The following PLPPR1 variants were observed in gnomAD, a reference collection of about 807,000 sequenced individuals.
PLPPR1 encodes phospholipid phosphatase related 1.
In PLPPR1, 10 loss-of-function variants were observed where a neutral mutation model predicts 33.1. That is an observed-to-expected ratio of 0.30 (90% CI 0.19 to 0.51). PLPPR1 has a LOEUF of 0.51. Ranked by LOEUF, PLPPR1 falls within the 20% of genes least tolerant of loss-of-function variation. The pLI is 0.97. For synonymous variants in PLPPR1, 151 were observed against 151.0 expected, an observed-to-expected ratio of 1.00 and a Z score of 0.00; for missense variants, 304 against 408.1, an observed-to-expected ratio of 0.74 and a Z score of 2.20.
In PLPPR1 at chr9:101,317,425, G is replaced by C. The variant is rs1333911204; in HGVS notation, c.874G>C (p.Glu292Gln). Reference protein sequence around the residue: ...TQGSPSKPKPEDPRGVPLMAF... With the variant: ...TQGSPSKPKPQDPRGVPLMAF... ...AGGATCTCCTTCCAAACCCAAGCCT[G>C]AGGATCCCCGTGGAGTACCCCTAAT... The change falls in exon 7 of 8, where the codon GAG becomes CAG. Residue 292 changes from glutamate (E) to glutamine (Q), a missense_variant. Glu to Gln is a conservative substitution (Grantham distance 29). Coordinates refer to ENST00000374874, the MANE Select transcript of PLPPR1 (RefSeq NM_207299.2). 6.2e-7 allele frequency: 1 copy of C among 1,613,944 alleles called. No homozygotes were observed. The highest frequency in any genetic ancestry group is 1.3e-5 in the African/African-American group (1 of 74,898).
chr9:101,278,227 A>C (rs569056602), intron 3 of PLPPR1, among the ~76,000 whole-genome samples: 36 of 152,366 alleles, frequency 2.4e-4, no homozygotes, highest in African/African-American at 7.7e-4. Flanking sequence ...GACTGTTTAT[A>C]TTCTGAAATC....
chr9:101,097,953 G>C (rs972362128), intron 1 of PLPPR1, among the ~76,000 whole-genome samples: 1 of 152,158 alleles, frequency 6.6e-6, no homozygotes, highest in Non-Finnish European at 1.5e-5. Context: ...AGTAGAGAAT[G>C]AGACTAGAGT....
Position 101,162,425 on chromosome 9 carries a change from C to G in PLPPR1, c.-45-23025C>G, listed in dbSNP as rs547343848. ...GCTTTGGTTAGAAACAGTTTTGGCT[C>G]ATTCACAAAGCAGTGACAAAAGTGA... On this transcript the variant is annotated intron_variant, in intron 1 of 7. Transcript: ENST00000374874. Among the ~76,000 whole-genome samples, 17 of 152,298 alleles carry G rather than the reference C, an allele frequency of 1.1e-4. No homozygotes were observed. The South Asian group carries it at 2.5e-3, about 22-fold the overall frequency.
intron 3 of PLPPR1, 80 bp downstream of exon 3, chr9:101,270,148 T>G (rs1168306130): frequency 1.4e-6 from 2 of 1,452,078 alleles, no homozygotes; most frequent in African/African-American, 2.8e-5. Flanking sequence ...CTCTTTCTTC[T>G]CTTCCTGAGC....
At chr9:101,303,597 G>A (rs1828793002) in intron 4 of PLPPR1, among the ~76,000 whole-genome samples, 1 of 152,156 alleles carries the variant, frequency 6.6e-6, no homozygotes, top group Non-Finnish European at 1.5e-5. Context: ...ACTGTGCCTG[G>A]CCAACAATTT....
chr9:101,077,516 C>T (rs1025276833), intron 1 of PLPPR1, among the ~76,000 whole-genome samples: 2 of 152,128 alleles, frequency 1.3e-5, no homozygotes, highest in Non-Finnish European at 2.9e-5. Context: ...TTACCTGAAG[C>T]CTGTAACTGA....
At chr9:101,209,353 C>G (rs1182192987) in intron 2 of PLPPR1, among the ~76,000 whole-genome samples, 1 of 152,234 alleles carries the variant, frequency 6.6e-6, no homozygotes, top group African/African-American at 2.4e-5. Context: ...TTTTTCCCGT[C>G]TGGCAGATAT....
At chr9:101,123,990 C>T (rs906483345) in intron 1 of PLPPR1, among the ~76,000 whole-genome samples, 17 of 152,118 alleles carry the variant, frequency 1.1e-4, no homozygotes, top group African/African-American at 2.9e-4. Context: ...CAGCTTCTCC[C>T]GACACTCAGC....
At chr9:101,202,655 T>C (rs1826514967) in intron 2 of PLPPR1, among the ~76,000 whole-genome samples, 1 of 152,186 alleles carries the variant, frequency 6.6e-6, no homozygotes, top group Non-Finnish European at 1.5e-5. Flanking sequence ...ATGAAGCTGA[T>C]ACAGGGTGCA....
At position 101,205,657 on chromosome 9, in the gene PLPPR1, G is replaced by T. The variant is rs1826575474; in HGVS notation, c.63+20100G>T. 3.3e-5 allele frequency among the ~76,000 whole-genome samples: 5 copies of T among 152,130 alleles called. No individual in the cohort carries two copies. The South Asian group carries it at 1.0e-3, about 31-fold the overall frequency. ...TATAACCACTTAAGAGCTCTGTCAT[G>T]TCATAGACTAGCCTGCAACCTTAAA... On this transcript the variant is annotated intron_variant, in intron 2 of 7. Transcript: ENST00000374874.
At chr9:101,237,456 G>A (rs1175496250) in intron 2 of PLPPR1, among the ~76,000 whole-genome samples, 3 of 84,090 alleles carry the variant, frequency 3.6e-5, no homozygotes, top group African/African-American at 1.9e-4. Flanking sequence ...AAGAAAGGTC[G>A]TGTGTGTGTG....
chr9:101,038,861 G>T (rs968220806), intron 1 of PLPPR1, among the ~76,000 whole-genome samples: 1 of 151,920 alleles, frequency 6.6e-6, no homozygotes, highest in South Asian at 2.1e-4. Flanking sequence ...CCTTCTCCAT[G>T]GCCTGATATT....
At chr9:101,211,646 C>T (rs555518141) in intron 2 of PLPPR1, among the ~76,000 whole-genome samples, 18 of 152,302 alleles carry the variant, frequency 1.2e-4, no homozygotes, top group African/African-American at 4.3e-4. Context: ...CTGGCATGTT[C>T]TTAAAGCAAC....
At chr9:101,239,058 T>TGA (rs1302587651) in intron 2 of PLPPR1, among the ~76,000 whole-genome samples, 2 of 83,650 alleles carry the variant, frequency 2.4e-5, no homozygotes, top group African/African-American at 4.0e-5. Flanking sequence ...TGAATTTCAT[T>TGA]GAGTGTGTGT....
intron 2 of PLPPR1, among the ~76,000 whole-genome samples, chr9:101,261,535 CCTT>C (rs1286009715): frequency 1.2e-4 from 18 of 152,176 alleles, no homozygotes; most frequent in South Asian, 6.2e-4. Context: ...AAGAGGATGT[CCTT>C]CTTAACCACA....
chr9:101,319,452 T>C (rs1002497968), intron 7 of PLPPR1, among the ~76,000 whole-genome samples: 1 of 152,114 alleles, frequency 6.6e-6, no homozygotes, highest in African/African-American at 2.4e-5. Context: ...ATGAACCAGG[T>C]TTTGAGGGCG....
chr9:101,072,813 A>T (rs544488996), intron 1 of PLPPR1, among the ~76,000 whole-genome samples: 1 of 152,208 alleles, frequency 6.6e-6, no homozygotes, highest in Non-Finnish European at 1.5e-5. Context: ...AAAATATTGT[A>T]GCAACTCAGG....
intron 1 of PLPPR1, among the ~76,000 whole-genome samples, chr9:101,156,717 GA>G (rs1831699007): frequency 6.6e-6 from 1 of 152,056 alleles, no homozygotes; most frequent in Admixed American, 6.5e-5. Flanking sequence ...GGGAATCAGA[GA>G]AAGGGAATAC....
Position 101,257,205 on chromosome 9 carries a change from A to ATACTT in PLPPR1, c.64-12674_64-12670dup, listed in dbSNP as rs374819763. ...TTTCACAAACTTCTCCTGGCCCCAG[A>ATACTT]TACTTATCTCTCTGTCTCATGTCCC... On this transcript the variant is annotated intron_variant, in intron 2 of 7. Coordinates refer to ENST00000374874, the MANE Select transcript of PLPPR1 (RefSeq NM_207299.2). Among the ~76,000 whole-genome samples, 1,017 of 152,106 alleles carry ATACTT rather than the reference A, an allele frequency of 6.7e-3. 6 individuals carry two copies. The highest frequency in any genetic ancestry group is 0.022 in the African/African-American group (933 of 41,488).
Sources: allele counts gnomAD v4.1 joint callset (sites outside exome capture counted in the v4.1 genomes callset), GRCh38; gene constraint gnomAD v4.1.1; transcripts MANE v1.5; gene names NCBI Gene and HGNC (gene_info 2026-07-23, HGNC 2026-07-21).